TSG101: variants seen among roughly 807,000 people sequenced by gnomAD.
The protein encoded by TSG101 is tumor susceptibility gene 101 protein.
Under a neutral mutation model 48.5 loss-of-function variants are expected in TSG101, and 19 were observed. That is an observed-to-expected ratio of 0.39 (90% CI 0.27 to 0.58). The LOEUF (loss-of-function observed/expected upper bound fraction) is 0.58. Ranked by LOEUF, TSG101 falls within the 20% of genes least tolerant of loss-of-function variation. TSG101 has a pLI of 0.55. For missense variants in TSG101, 365 were observed against 484.4 expected (o/e 0.75, Z 2.31); for synonymous variants, 174 against 169.4 (o/e 1.03, Z -0.21).
intron 7 of TSG101, among the ~76,000 whole-genome samples, chr11:18,489,047 G>A (rs1326484934): frequency 5.9e-5 from 9 of 151,866 alleles, no homozygotes; most frequent in Non-Finnish European, 1.2e-4. Flanking sequence ...CCCGGGAGGC[G>A]GAGGTTGCAG....
Position 18,526,919 on chromosome 11 carries a change from A to G in TSG101, c.-103T>C, listed in dbSNP as rs1015729262. ...TCGCACACCCCCAACCCGGCCTCAA[A>G]CAACAGGAAGTCGGCACCACTACAC... On this transcript the variant is annotated 5_prime_UTR_variant, in exon 1 of 10. Coordinates refer to ENST00000251968, the MANE Select transcript of TSG101 (RefSeq NM_006292.4). The G allele has an allele frequency of 6.0e-6, 8 of 1,331,330 alleles. No individual in the cohort carries two copies. Among genetic ancestry groups the G allele is most frequent in the Admixed American group, 4.4e-5 (2 of 45,644 alleles). The allele number at this position is 1,331,330 out of a possible 1,614,324, so 82.5% of individuals were successfully genotyped here. A position where few individuals can be genotyped will look rare whatever the true frequency, so the allele number is the denominator to read the frequency against.
intron 4 of TSG101, chr11:18,511,070 T>A (rs1248058245): frequency 6.6e-6 from 1 of 152,212 alleles, no homozygotes; most frequent in Non-Finnish European, 1.5e-5. Flanking sequence ...GTATATCTCA[T>A]CTCACGTACT....
chr11:18,519,405 G>A, intron 2 of TSG101, 114 bp downstream of exon 2: 1 of 769,876 alleles, frequency 1.3e-6, no homozygotes, highest in Non-Finnish European at 2.2e-6. Flanking sequence ...ATTAGGCGGT[G>A]GTGCAATCCC....
chr11:18,518,271 C>G (rs2133931536), intron 2 of TSG101, among the ~76,000 whole-genome samples: 1 of 152,280 alleles, frequency 6.6e-6, no homozygotes, highest in African/African-American at 2.4e-5. Flanking sequence ...AAATGCAGAA[C>G]TGATTGCCCC....
At chr11:18,509,794 T>C in intron 4 of TSG101, 129 bp from the exon 5 acceptor site, 1 of 976,640 alleles carries the variant, frequency 1.0e-6, no homozygotes, top group African/African-American at 1.6e-5. Context: ...ATCATGAAAA[T>C]TTCATTTAAT....
chr11:18,502,614 T>C (rs1473876043), intron 6 of TSG101, 37 bp from the exon 7 acceptor site: 2 of 1,510,386 alleles, frequency 1.3e-6, no homozygotes, highest in Non-Finnish European at 1.8e-6. Context: ...ACATTTAAGA[T>C]GACCCAACCT....
At chr11:18,481,187 A>T (rs2658556) in intron 9 of TSG101, 739,432 of 741,262 alleles carry the variant, frequency 1, 368,832 homozygotes, top group East Asian at 1. Flanking sequence ...CAACTTTCAT[A>T]CAAGAGGGCT....
intron 1 of TSG101, among the ~76,000 whole-genome samples, chr11:18,524,393 T>A (rs1014476305): frequency 6.6e-6 from 1 of 152,144 alleles, no homozygotes; most frequent in Non-Finnish European, 1.5e-5. Flanking sequence ...GTGGAGAGCC[T>A]ACAATCAGAT....
At chr11:18,510,127 C>T (rs2658564) in intron 4 of TSG101, among the ~76,000 whole-genome samples, 75,728 of 152,002 alleles carry the variant, frequency 0.5, 19,260 homozygotes, top group Non-Finnish European at 0.55. Context: ...TCTGAAATTA[C>T]AGGTAGATTC....
intron 9 of TSG101, chr11:18,481,233 T>G: frequency 2.1e-6 from 2 of 959,922 alleles, no homozygotes; most frequent in Non-Finnish European, 1.2e-6. Flanking sequence ...GTGGGAAAAC[T>G]GGTCTAAAGT....
intron 2 of TSG101, among the ~76,000 whole-genome samples, chr11:18,518,384 T>G (rs570767797): frequency 6.6e-6 from 1 of 152,332 alleles, no homozygotes; most frequent in East Asian, 1.9e-4. Flanking sequence ...GTTCCTTGCT[T>G]TCAGAGCTAA....
At chr11:18,499,044 G>A (rs1300456438) in intron 7 of TSG101, among the ~76,000 whole-genome samples, 1 of 151,386 alleles carries the variant, frequency 6.6e-6, no homozygotes. Context: ...AAAATGGTAT[G>A]AGAAAAAGTC....
intron 1 of TSG101, among the ~76,000 whole-genome samples, chr11:18,526,059 A>T (rs1236333940): frequency 1.3e-5 from 2 of 152,156 alleles, no homozygotes; most frequent in Admixed American, 1.3e-4. Context: ...CTCTGGTGTG[A>T]GGTGCCACGT....
At chr11:18,499,427 C>T (rs1849853056) in intron 7 of TSG101, among the ~76,000 whole-genome samples, 3 of 4,210 alleles carry the variant, frequency 7.1e-4, no homozygotes, top group Non-Finnish European at 1.1e-3. Flanking sequence ...TTTTTTTTTC[C>T]TGAGATGGAG....
chr11:18,481,211 T>C, intron 9 of TSG101: 1 of 882,128 alleles, frequency 1.1e-6, no homozygotes. Flanking sequence ...AAGGGCAGCC[T>C]GATACTTTGA....
intron 1 of TSG101, among the ~76,000 whole-genome samples, chr11:18,523,157 A>G (rs1282526263): frequency 1.3e-5 from 2 of 151,974 alleles, no homozygotes; most frequent in Non-Finnish European, 2.9e-5. Flanking sequence ...CGCCTCCCAA[A>G]ATGTTTGGAT....
intron 1 of TSG101, 62 bp downstream of exon 1, chr11:18,526,713 T>G: frequency 2.5e-6 from 4 of 1,570,278 alleles, no homozygotes; most frequent in Non-Finnish European, 8.6e-7. Context: ...CGGGACGGAC[T>G]CGACAGGGCG....
chr11:18,526,025 C>T (rs1490800826), intron 1 of TSG101, among the ~76,000 whole-genome samples: 1 of 151,810 alleles, frequency 6.6e-6, no homozygotes, highest in Non-Finnish European at 1.5e-5. Flanking sequence ...AAAATTACAA[C>T]AAAACATAAC....
chr11:18,503,521 C>T (rs1006311504), intron 6 of TSG101, among the ~76,000 whole-genome samples: 18 of 151,858 alleles, frequency 1.2e-4, no homozygotes, highest in African/African-American at 3.4e-4. Flanking sequence ...TATAGGTGCC[C>T]GCCACCACAC....
Sources: gnomAD v4.1 joint callset for allele counts (sites outside exome capture counted in the v4.1 genomes callset) on GRCh38, gnomAD v4.1.1 for gene constraint, MANE v1.5 for transcripts, NCBI Gene and HGNC (gene_info 2026-07-23, HGNC 2026-07-21) for gene names.